Variants in DPP8 observed in about 807,000 individuals in gnomAD.
The protein encoded by DPP8 is DPP VIII.
DPP8 carries 31 observed loss-of-function variants against 107.5 expected under a neutral mutation model. The observed-to-expected ratio is 0.29, with a 90% CI of 0.22 to 0.39. DPP8 has a LOEUF of 0.39. Among genes scored for constraint, DPP8 ranks in the 10% least tolerant of loss-of-function variants. The pLI is 1.00. For missense variants in DPP8, 842 were observed against 1,076.1 expected (o/e 0.78, Z 3.04); for synonymous variants, 381 against 356.6 (o/e 1.07, Z -0.77).
chr15:65,485,544 C>CAAAAAAAAAAAAA (rs56940292), intron 7 of DPP8, among the ~76,000 whole-genome samples: 17 of 61,154 alleles, frequency 2.8e-4, no homozygotes, highest in East Asian at 5.8e-4. Context: ...GACTCCATCT[C>CAAAAAAAAAAAAA]AAAAAAAAAA....
intron 15 of DPP8, among the ~76,000 whole-genome samples, chr15:65,457,372 A>T (rs562481877): frequency 2.0e-5 from 3 of 152,056 alleles, no homozygotes; most frequent in South Asian, 2.1e-4. Flanking sequence ...CAAACAAAAA[A>T]AGTCATACTT....
Position 65,466,710 on chromosome 15 carries a change from T to C in DPP8, c.1793A>G (p.Lys598Arg). Residue 598 changes from lysine (K) to arginine (R), a missense_variant, in exon 14 of 20, where the codon AAG (lysine) becomes AGG (arginine). Coordinates refer to ENST00000300141, the MANE Select transcript of DPP8 (RefSeq NM_130434.5). ...SPEDDPTCKTKEFWATILDSA... is the reference protein window; with the variant it reads ...SPEDDPTCKTREFWATILDSA... ...ATCCAAAATGGTGGCCCAAAATTCC[T>C]TTGTTTTGCAAGTTGGGTCATCTTC... The C allele has an allele frequency of 6.2e-7, 1 of 1,614,166 alleles. No homozygotes were observed. Among genetic ancestry groups the C allele is most frequent in the Non-Finnish European group, 8.5e-7 (1 of 1,180,012 alleles).
intron 5 of DPP8, 25 bp from the exon 6 acceptor site, chr15:65,490,324 T>G: frequency 7.2e-7 from 1 of 1,397,024 alleles, no homozygotes; most frequent in Non-Finnish European, 1.0e-6. Flanking sequence ...AAGGCAAAAT[T>G]ATCACAGAAA....
At chr15:65,470,946 G>C (rs1034377641) in intron 12 of DPP8, among the ~76,000 whole-genome samples, 2 of 148,712 alleles carry the variant, frequency 1.3e-5, no homozygotes, top group East Asian at 3.9e-4. Flanking sequence ...AGGGAAAATA[G>C]AGAAGAGGGA....
intron 5 of DPP8, among the ~76,000 whole-genome samples, chr15:65,491,850 A>G (rs1444200107): frequency 6.6e-6 from 1 of 152,128 alleles, no homozygotes; most frequent in Admixed American, 6.5e-5. Context: ...CTCCTGCCTC[A>G]GCCTCCCAAG....
chr15:65,455,830 A>C, intron 16 of DPP8: 1 of 1,291,818 alleles, frequency 7.7e-7, no homozygotes, highest in South Asian at 1.2e-5. Context: ...AAAAGGTAGC[A>C]TTTAAAGCTT....
intron 8 of DPP8, among the ~76,000 whole-genome samples, chr15:65,482,514 T>G (rs953591915): frequency 1.3e-5 from 2 of 152,128 alleles, no homozygotes; most frequent in Admixed American, 1.3e-4. Flanking sequence ...ATTCCTGACC[T>G]GAAGTGATCT....
chr15:65,465,697 A>G (rs1294230562), intron 14 of DPP8, among the ~76,000 whole-genome samples: 1 of 151,626 alleles, frequency 6.6e-6, no homozygotes, highest in Non-Finnish European at 1.5e-5. Flanking sequence ...CTGGGACTAC[A>G]GGCGTGTACC....
chr15:65,506,023 GTTA>G (rs915051633), intron 3 of DPP8, among the ~76,000 whole-genome samples: 1 of 148,878 alleles, frequency 6.7e-6, no homozygotes, highest in African/African-American at 2.5e-5. Flanking sequence ...GCACATTCAT[GTTA>G]TTCAATTAAG....
Position 65,472,217 on chromosome 15 carries a change from T to A in DPP8, c.1536+1992A>T, listed in dbSNP as rs556033367. Reference sequence around the variant, plus strand: ...GCAGGTGGTGGATTAAAGTTTAAATTTGTGGGGCAAGATAAACACATGAAT... The same window carrying A: ...GCAGGTGGTGGATTAAAGTTTAAATATGTGGGGCAAGATAAACACATGAAT... On this transcript the variant is annotated intron_variant, in intron 12 of 19. Coordinates refer to ENST00000300141, the MANE Select transcript of DPP8 (RefSeq NM_130434.5). Among the ~76,000 whole-genome samples the A allele has an allele frequency of 3.9e-5, 6 of 152,306 alleles. No homozygotes were observed. In the South Asian group the frequency reaches 6.2e-4, roughly 16 times the overall value.
intron 3 of DPP8, among the ~76,000 whole-genome samples, chr15:65,503,605 A>C (rs1220148040): frequency 6.6e-6 from 1 of 150,630 alleles, no homozygotes; most frequent in Non-Finnish European, 1.5e-5. Flanking sequence ...CCACCGCCCT[A>C]CCTGACTAAT....
chr15:65,511,637 C>T (rs1281214333), intron 2 of DPP8, among the ~76,000 whole-genome samples: 3 of 45,214 alleles, frequency 6.6e-5, no homozygotes, highest in East Asian at 7.5e-4. Context: ...GAGACCCTGT[C>T]TCAAAAAAAA....
chr15:65,505,048 T>G (rs1349405506), intron 3 of DPP8, among the ~76,000 whole-genome samples: 1 of 151,922 alleles, frequency 6.6e-6, no homozygotes, highest in African/African-American at 2.4e-5. Context: ...ACATATCTGG[T>G]ATCTTCTTTA....
chr15:65,468,218 GA>G (rs2065530011), intron 12 of DPP8, among the ~76,000 whole-genome samples: 1 of 152,284 alleles, frequency 6.6e-6, no homozygotes, highest in African/African-American at 2.4e-5. Context: ...AAAATGGCCA[GA>G]TGTAGTGACT....
At chr15:65,466,943 T>C in intron 13 of DPP8, 128 bp downstream of exon 13, 3 of 1,417,634 alleles carry the variant, frequency 2.1e-6, no homozygotes, top group Non-Finnish European at 2.9e-6. Flanking sequence ...ATGTTGAAAT[T>C]AAGCTTTTTA....
At position 65,517,523 on chromosome 15, in the gene DPP8, C is replaced by T. The variant is rs949300980; in HGVS notation, c.-49G>A. 6.6e-6 allele frequency: 1 copy of T among 152,460 alleles called. No homozygotes were observed. Among genetic ancestry groups the T allele is most frequent in the African/African-American group, 2.4e-5 (1 of 41,480 alleles). The allele number at this position is 152,460 out of a possible 1,614,324, so 9.4% of individuals were successfully genotyped here. A position where few individuals can be genotyped will look rare whatever the true frequency, so the allele number is the denominator to read the frequency against. Reference sequence around the variant, plus strand: ...CCCGCCCGGACCGTCCCGACGTGCGCTATGGAGCGGGCCTGCGCCGCTTCA... The same window carrying T: ...CCCGCCCGGACCGTCCCGACGTGCGTTATGGAGCGGGCCTGCGCCGCTTCA... On this transcript the variant is annotated 5_prime_UTR_variant, in exon 1 of 20. The change abolishes the stop of an existing upstream ORF in the 5' untranslated region. Transcript: ENST00000300141.
At chr15:65,501,107 G>T (rs1018998129) in intron 3 of DPP8, among the ~76,000 whole-genome samples, 3 of 151,988 alleles carry the variant, frequency 2.0e-5, no homozygotes, top group African/African-American at 7.3e-5. Context: ...TCCATCTCCT[G>T]ACCTCGTGAT....
chr15:65,512,803 T>C, intron 1 of DPP8: 1 of 477,674 alleles, frequency 2.1e-6, no homozygotes, highest in Non-Finnish European at 3.7e-6. Context: ...TATAAATCCC[T>C]TTGGTAGCTT....
At chr15:65,475,524 T>C in intron 11 of DPP8, 1 of 1,401,140 alleles carries the variant, frequency 7.1e-7, no homozygotes, top group South Asian at 1.1e-5. Flanking sequence ...ATAAAGGCAT[T>C]AAAACCAGCC....
Sources: allele counts gnomAD v4.1 joint callset (sites outside exome capture counted in the v4.1 genomes callset), GRCh38; gene constraint gnomAD v4.1.1; transcripts MANE v1.5; gene names NCBI Gene and HGNC (gene_info 2026-07-23, HGNC 2026-07-21).